The following SDK1 variants were observed in gnomAD, a reference collection of about 807,000 sequenced individuals.
SDK1 encodes protein sidekick-1.
A neutral mutation model predicts 245.5 loss-of-function variants in SDK1; 157 were observed. The ratio of observed to expected loss-of-function variants is 0.64; its 90% CI spans 0.56 to 0.73. The LOEUF (loss-of-function observed/expected upper bound fraction) is 0.73, where lower values mean the gene tolerates loss of function less well. Among genes scored for constraint, SDK1 ranks in the 30% least tolerant of loss-of-function variants. The pLI is 0.00. For missense variants in SDK1, 3,583 were observed against 3,002.3 expected, an observed-to-expected ratio of 1.19 and a Z score of -4.52; for synonymous variants, 1,647 against 1,278.5, an observed-to-expected ratio of 1.29 and a Z score of -6.15.
chr7:4,169,417 G>T (rs1156671166), intron 32 of SDK1, among the ~76,000 whole-genome samples: 1 of 152,160 alleles, frequency 6.6e-6, no homozygotes, highest in South Asian at 2.1e-4. Flanking sequence ...GTCTAGTGGG[G>T]CTACACCAGG....
intron 1 of SDK1, among the ~76,000 whole-genome samples, chr7:3,573,475 C>A (rs1051756448): frequency 1.3e-5 from 2 of 152,034 alleles, no homozygotes; most frequent in Non-Finnish European, 2.9e-5. Context: ...TTGGGGAGCC[C>A]CCATCACAGG....
At chr7:3,340,731 C>A (rs1336047239) in intron 1 of SDK1, among the ~76,000 whole-genome samples, 4 of 148,682 alleles carry the variant, frequency 2.7e-5, no homozygotes, top group African/African-American at 9.9e-5. Flanking sequence ...CCACTGCACT[C>A]CCTGGAGCCT....
intron 2 of SDK1, among the ~76,000 whole-genome samples, chr7:3,635,563 T>TTCTC (rs1782432413): frequency 1.3e-5 from 2 of 152,208 alleles, no homozygotes; most frequent in Non-Finnish European, 2.9e-5. Context: ...TTGAAAAAGT[T>TTCTC]TCTCTGGTTA....
intron 4 of SDK1, among the ~76,000 whole-genome samples, chr7:3,720,421 A>C (rs916116770): frequency 6.6e-6 from 1 of 152,244 alleles, no homozygotes; most frequent in African/African-American, 2.4e-5. Flanking sequence ...TGCAAAATAC[A>C]TACACAGATA....
intron 4 of SDK1, among the ~76,000 whole-genome samples, chr7:3,649,875 G>C (rs6974562): frequency 0.024 from 3,623 of 151,838 alleles, 148 homozygotes; most frequent in African/African-American, 0.082. Context: ...TAGGCACAGA[G>C]GCCAGAAACA....
chr7:3,504,215 G>GTGTGTGTGTGTGTGTGTGTGTGT (rs1782315243), intron 1 of SDK1, among the ~76,000 whole-genome samples: 1 of 55,918 alleles, frequency 1.8e-5, no homozygotes, highest in Non-Finnish European at 3.9e-5. Flanking sequence ...TGTGTGTGTA[G>GTGTGTGTGTGTGTGTGTGTGTGT]ATAAAACACA....
intron 1 of SDK1, among the ~76,000 whole-genome samples, chr7:3,449,047 T>C (rs1323373559): frequency 6.6e-6 from 1 of 152,194 alleles, no homozygotes; most frequent in Non-Finnish European, 1.5e-5. Flanking sequence ...CATGTAAACA[T>C]AGTGAAGAAA....
At chr7:3,503,971 G>A (rs1267687467) in intron 1 of SDK1, among the ~76,000 whole-genome samples, 1 of 151,932 alleles carries the variant, frequency 6.6e-6, no homozygotes, top group Non-Finnish European at 1.5e-5. Flanking sequence ...CCAACATGGT[G>A]AAACCCTGTC....
chr7:3,893,644 G>A (rs536315823), intron 5 of SDK1, among the ~76,000 whole-genome samples: 2 of 151,572 alleles, frequency 1.3e-5, no homozygotes, highest in East Asian at 3.9e-4. Flanking sequence ...AGGAGCTCTG[G>A]TTAAGAGATA....
At chr7:3,808,920 G>A (rs372377837) in intron 4 of SDK1, among the ~76,000 whole-genome samples, 286 of 152,274 alleles carry the variant, frequency 1.9e-3, no homozygotes, top group African/African-American at 6.2e-3. Context: ...TGGTGTTTGT[G>A]CGTGAGCATG....
Position 3,869,026 on chromosome 7 carries a change from C to A in SDK1, c.847+47443C>A, listed in dbSNP as rs10277140. Among the ~76,000 whole-genome samples the A allele has an allele frequency of 8.3e-3, 1,255 of 152,112 alleles. 22 individuals carry two copies. The highest frequency in any genetic ancestry group is 0.029 in the African/African-American group (1,184 of 41,482). Reference sequence around the variant, plus strand: ...CATTTCTCATTCGGGAAAAACAAAGCTGATTCTGGTGATTCTGTGTGGGAG... The same window carrying A: ...CATTTCTCATTCGGGAAAAACAAAGATGATTCTGGTGATTCTGTGTGGGAG... On this transcript the variant is annotated intron_variant, in intron 5 of 44. Coordinates refer to ENST00000404826, the MANE Select transcript of SDK1 (RefSeq NM_152744.4).
chr7:4,157,021 G>A (rs143596543), intron 30 of SDK1, among the ~76,000 whole-genome samples: 41 of 152,284 alleles, frequency 2.7e-4, no homozygotes, highest in African/African-American at 6.3e-4. Context: ...GCCGCTGCCC[G>A]CCAGGGAGGA....
chr7:4,069,729 C>T (rs564111982), intron 20 of SDK1, among the ~76,000 whole-genome samples: 5 of 152,346 alleles, frequency 3.3e-5, no homozygotes, highest in South Asian at 2.1e-4. Context: ...TCCGCACTGG[C>T]GTCCTGGATG....
In SDK1 at chr7:3,734,651, C is replaced by T. The variant is rs560103875; in HGVS notation, c.714-86799C>T. ...TCAAATGAAATAACCATTAATTAAA[C>T]CCCGGTTCTTTTCCAATTGGAGGAA... On this transcript the variant is annotated intron_variant, in intron 4 of 44. Transcript: ENST00000404826. Among the ~76,000 whole-genome samples, 13 of 152,274 alleles carry T rather than the reference C, an allele frequency of 8.5e-5. No individual in the cohort carries two copies. The East Asian group carries it at 2.5e-3, about 29-fold the overall frequency.
chr7:3,488,377 C>T (rs1781767984), intron 1 of SDK1, among the ~76,000 whole-genome samples: 1 of 151,890 alleles, frequency 6.6e-6, no homozygotes, highest in Admixed American at 6.6e-5. Flanking sequence ...TGTTTGGCTT[C>T]TTTGAGACAC....
At chr7:3,467,319 A>G (rs1321864420) in intron 1 of SDK1, among the ~76,000 whole-genome samples, 1 of 152,128 alleles carries the variant, frequency 6.6e-6, no homozygotes, top group East Asian at 1.9e-4. Context: ...TCTAAAAAAA[A>G]GGAAACTACT....
intron 43 of SDK1, among the ~76,000 whole-genome samples, chr7:4,245,055 T>A (rs1381061444): frequency 2.6e-5 from 4 of 151,966 alleles, no homozygotes; most frequent in African/African-American, 9.7e-5. Flanking sequence ...TGTAACCGAG[T>A]CTTCAGTCTG....
intron 4 of SDK1, among the ~76,000 whole-genome samples, chr7:3,772,282 G>A (rs1212620931): frequency 6.7e-6 from 1 of 148,770 alleles, no homozygotes; most frequent in Non-Finnish European, 1.5e-5. Flanking sequence ...TGTTTTTCTT[G>A]TAGTTACTAT....
chr7:3,707,781 T>A (rs1784933737), intron 4 of SDK1, among the ~76,000 whole-genome samples: 1 of 152,212 alleles, frequency 6.6e-6, no homozygotes, highest in African/African-American at 2.4e-5. Flanking sequence ...GTTGGATTCA[T>A]CCTCTTATCA....
Sources: allele counts gnomAD v4.1 joint callset (sites outside exome capture counted in the v4.1 genomes callset), GRCh38; gene constraint gnomAD v4.1.1; transcripts MANE v1.5; gene names NCBI Gene and HGNC (gene_info 2026-07-23, HGNC 2026-07-21).